SPRY3: variants seen among roughly 807,000 people sequenced by gnomAD.
SPRY3 encodes the protein protein sprouty homolog 3.
In SPRY3, 15 loss-of-function variants were observed where a neutral mutation model predicts 20.2. That is an observed-to-expected ratio of 0.74 (90% confidence interval 0.50 to 1.14). SPRY3 has a LOEUF of 1.14. SPRY3 is among the 50% of genes most tolerant of loss of function. The pLI is 0.00. For synonymous variants in SPRY3, 143 were observed against 136.5 expected, an observed-to-expected ratio of 1.05 and a Z score of -0.33; for missense variants, 364 against 363.9, an observed-to-expected ratio of 1.00 and a Z score of 0.00.
intron 2 of SPRY3, among the ~76,000 whole-genome samples, chrX:155,728,513 C>A (rs2091114165): frequency 6.6e-6 from 1 of 152,208 alleles, no homozygotes; most frequent in Non-Finnish European, 1.5e-5. Flanking sequence ...CAAGCCTCAG[C>A]AATGGTGGAC....
At chrX:155,773,809 C>T in exon 4 of SPRY3, 1 of 1,553,196 alleles carries the variant, frequency 6.4e-7, no homozygotes, top group Non-Finnish European at 8.7e-7. Flanking sequence ...ACAAGGGCTC[C>T]TCTTTATCAC....
intron 1 of SPRY3, among the ~76,000 whole-genome samples, chrX:155,654,061 C>T (rs2067984832): frequency 1.8e-5 from 2 of 112,108 alleles, no homozygotes; most frequent in African/African-American, 6.5e-5. Context: ...GTCACCTATA[C>T]TTCTGACAAC....
chrX:155,630,332 A>C (rs782655320), intron 1 of SPRY3, among the ~76,000 whole-genome samples: 2 of 111,850 alleles, frequency 1.8e-5, no homozygotes, highest in Non-Finnish European at 3.8e-5. Context: ...CATACTTTCA[A>C]ATGTTTTCAT....
intron 1 of SPRY3, among the ~76,000 whole-genome samples, chrX:155,627,793 A>G (rs1390414899): frequency 9.1e-6 from 1 of 109,510 alleles, no homozygotes; most frequent in Non-Finnish European, 1.9e-5. Flanking sequence ...TGTATTATCT[A>G]TTTATCCTGA....
chrX:155,772,913 T>G (rs2091390005), intron 3 of SPRY3, among the ~76,000 whole-genome samples: 1 of 152,080 alleles, frequency 6.6e-6, no homozygotes, highest in South Asian at 2.1e-4. Flanking sequence ...TGACTTAGGA[T>G]AGTAATAGGT....
At chrX:155,618,898 AT>A (rs1349772933) in intron 1 of SPRY3, among the ~76,000 whole-genome samples, 1 of 111,155 alleles carries the variant, frequency 9.0e-6, no homozygotes, top group East Asian at 2.8e-4. Flanking sequence ...ATTGTTCAGC[AT>A]TTTTTATGGT....
At chrX:155,651,078 C>CT (rs374328833) in intron 1 of SPRY3, among the ~76,000 whole-genome samples, 2,233 of 100,729 alleles carry the variant, frequency 0.022, 67 homozygotes, top group African/African-American at 0.072. Context: ...GATGTTATCA[C>CT]TTTTTTTTTT....
intron 1 of SPRY3, among the ~76,000 whole-genome samples, chrX:155,641,523 C>T (rs1317395309): frequency 3.2e-4 from 37 of 114,957 alleles, no homozygotes; most frequent in Non-Finnish European, 1.5e-4. Context: ...CAGTACAAAG[C>T]TTCCACAGCG....
chrX:155,643,645 A>C (rs1557351611), intron 1 of SPRY3, among the ~76,000 whole-genome samples: 1 of 110,031 alleles, frequency 9.1e-6, no homozygotes, highest in African/African-American at 3.3e-5. Context: ...TTTGTATTTG[A>C]GGTTACCATG....
At chrX:155,686,268 C>T (rs2068087716) in intron 2 of SPRY3, among the ~76,000 whole-genome samples, 1 of 110,297 alleles carries the variant, frequency 9.1e-6, no homozygotes. Context: ...ATCTATTGTC[C>T]TTTCCCATGC....
chrX:155,767,072 C>A (rs1176056511), intron 2 of SPRY3, among the ~76,000 whole-genome samples: 1 of 152,070 alleles, frequency 6.6e-6, no homozygotes, highest in African/African-American at 2.4e-5. Flanking sequence ...CACCCCACCC[C>A]CACGTTCCTT....
intron 2 of SPRY3, among the ~76,000 whole-genome samples, chrX:155,658,104 A>G (rs2067997785): frequency 8.9e-6 from 1 of 112,294 alleles, no homozygotes; most frequent in Non-Finnish European, 1.9e-5. Context: ...GCCTTGTAGC[A>G]TAATTTTCAC....
At chrX:155,624,457 C>T (rs1263136950) in intron 1 of SPRY3, among the ~76,000 whole-genome samples, 2 of 111,567 alleles carry the variant, frequency 1.8e-5, no homozygotes, top group African/African-American at 6.5e-5. Context: ...TACAGAAATA[C>T]ATTATTTACC....
exon 4 of SPRY3, chrX:155,776,742 G>C (rs1355838838): frequency 6.0e-6 from 1 of 166,522 alleles, no homozygotes; most frequent in African/African-American, 2.4e-5. Flanking sequence ...GTGTATAGTA[G>C]TACACGGGGG....
intron 3 of SPRY3, among the ~76,000 whole-genome samples, chrX:155,770,154 A>G (rs2091372155): frequency 6.6e-6 from 1 of 152,182 alleles, no homozygotes; most frequent in Non-Finnish European, 1.5e-5. Flanking sequence ...AACAAGAGCC[A>G]GGATCTCCTC....
chrX:155,757,183 C>T (rs1405068668), intron 2 of SPRY3, among the ~76,000 whole-genome samples: 1 of 152,158 alleles, frequency 6.6e-6, no homozygotes, highest in Non-Finnish European at 1.5e-5. Context: ...CCCTCTGATA[C>T]CTCTCTGGTT....
At chrX:155,720,367 A>T (rs2091049152) in intron 2 of SPRY3, among the ~76,000 whole-genome samples, 1 of 151,988 alleles carries the variant, frequency 6.6e-6, no homozygotes, top group Admixed American at 6.6e-5. Flanking sequence ...GGCCTGGGGG[A>T]TCTCATCCTA....
chrX:155,709,473 A>G (rs1256910558), intron 2 of SPRY3, among the ~76,000 whole-genome samples: 1 of 151,702 alleles, frequency 6.6e-6, no homozygotes, highest in East Asian at 1.9e-4. Context: ...CTTTTGAGAA[A>G]TGTCTTCAAG....
chrX:155,774,020 A>T, exon 4 of SPRY3: 3 of 1,613,928 alleles, frequency 1.9e-6, no homozygotes, highest in Non-Finnish European at 2.5e-6. Flanking sequence ...CAAACCCACA[A>T]GTCTGATTGG....
Sources: gnomAD v4.1 joint callset for allele counts (sites outside exome capture counted in the v4.1 genomes callset) on GRCh38, gnomAD v4.1.1 for gene constraint, MANE v1.5 for transcripts, NCBI Gene and HGNC (gene_info 2026-07-23, HGNC 2026-07-21) for gene names.